FOXP1: variants seen among roughly 807,000 people sequenced by gnomAD.
The protein encoded by FOXP1 is forkhead box protein P1.
Under a neutral mutation model 98.2 loss-of-function variants are expected in FOXP1, and 15 were observed. That is an observed-to-expected ratio of 0.15 (90% CI 0.10 to 0.24). The LOEUF (loss-of-function observed/expected upper bound fraction) is 0.24. FOXP1 is among the 10% of genes least tolerant of loss of function. The probability of loss-of-function intolerance (pLI) is 1.00; values close to 1 mark genes in which losing one functional copy is unlikely to be tolerated. For missense variants in FOXP1, 633 were observed against 848.5 expected (o/e 0.75, Z 3.15); for synonymous variants, 371 against 314.5 (o/e 1.18, Z -1.90).
At chr3:71,323,717 C>T (rs553126863) in intron 4 of FOXP1, among the ~76,000 whole-genome samples, 7 of 152,304 alleles carry the variant, frequency 4.6e-5, no homozygotes, top group South Asian at 2.1e-4. Context: ...ATAGTTTTCA[C>T]GAGTACTTAT....
chr3:71,411,222 G>A (rs991883938), intron 3 of FOXP1, among the ~76,000 whole-genome samples: 2 of 151,936 alleles, frequency 1.3e-5, no homozygotes, highest in African/African-American at 4.8e-5. Context: ...ATCTGCTCCA[G>A]TTCCCCCTCC....
intron 5 of FOXP1, among the ~76,000 whole-genome samples, chr3:71,233,953 T>C (rs1047265888): frequency 3.9e-5 from 6 of 152,180 alleles, no homozygotes; most frequent in African/African-American, 1.4e-4. Context: ...CAATGTTCTC[T>C]GGAATTGCCG....
chr3:71,562,500 C>T (rs1399318579), intron 2 of FOXP1, among the ~76,000 whole-genome samples: 1 of 152,112 alleles, frequency 6.6e-6, no homozygotes, highest in African/African-American at 2.4e-5. Context: ...CTTGACTAGG[C>T]ACAATGAACT....
At chr3:71,023,386 C>T (rs2045690736) in intron 11 of FOXP1, among the ~76,000 whole-genome samples, 2 of 152,212 alleles carry the variant, frequency 1.3e-5, no homozygotes, top group Admixed American at 1.3e-4. Context: ...CCAGCCAAAA[C>T]ATTACATTAA....
At chr3:71,359,071 A>G (rs1006061170) in intron 4 of FOXP1, 79 bp downstream of exon 4, 4 of 152,160 alleles carry the variant, frequency 2.6e-5, no homozygotes, top group Non-Finnish European at 5.9e-5. Flanking sequence ...CAGGATTACT[A>G]TATCGACCAC....
chr3:71,199,133 A>G (rs2063495162), intron 5 of FOXP1, among the ~76,000 whole-genome samples: 1 of 146,102 alleles, frequency 6.8e-6, no homozygotes, highest in South Asian at 2.1e-4. Flanking sequence ...TTTGAGACAG[A>G]GCCTTGCTCT....
chr3:71,328,974 T>TAAAAA lies in FOXP1; in HGVS notation c.-72-29099_-72-29095dup, dbSNP rs869252301. ...CAACAAGAGCGAAACTCCATCTCGC[T>TAAAAA]AAAAAAAAAAAAAAACAAAAAAAAA... On this transcript the variant is annotated intron_variant, in intron 4 of 20. Transcript: ENST00000649528. Among the ~76,000 whole-genome samples, 21 of 31,178 alleles carry TAAAAA rather than the reference T, an allele frequency of 6.7e-4. 1 individual carries two copies. Among genetic ancestry groups the TAAAAA allele is most frequent in the African/African-American group, 1.6e-3 (18 of 11,076 alleles). 20.5% of individuals were successfully genotyped at this position (31,178 alleles called of 152,430 possible).
At chr3:71,057,291 CTTTTTTTTTTTTTTTTTTT>C (rs10670020) in intron 7 of FOXP1, among the ~76,000 whole-genome samples, 26 of 7,490 alleles carry the variant, frequency 3.5e-3, no homozygotes, top group East Asian at 8.9e-3. Flanking sequence ...AAAAACGAAA[CTTTTTTTTTTTTTTTTTTT>C]TTTTTTTTTT....
intron 4 of FOXP1, among the ~76,000 whole-genome samples, chr3:71,303,602 A>T (rs1284344627): frequency 6.6e-6 from 1 of 152,214 alleles, no homozygotes; most frequent in Non-Finnish European, 1.5e-5. Flanking sequence ...AAGGACATCA[A>T]CATATATTTG....
At chr3:71,383,761 T>C (rs1311477758) in intron 3 of FOXP1, among the ~76,000 whole-genome samples, 5 of 152,034 alleles carry the variant, frequency 3.3e-5, no homozygotes, top group African/African-American at 1.2e-4. Context: ...AAGGAAATGG[T>C]GAGACAGAAA....
intron 5 of FOXP1, among the ~76,000 whole-genome samples, chr3:71,281,039 CAAAAAAAAAAA>C (rs55640213): frequency 7.2e-5 from 6 of 83,564 alleles, no homozygotes; most frequent in African/African-American, 2.3e-4. Flanking sequence ...CCCTTCTCTA[CAAAAAAAAAAA>C]AAAAAAAAAA....
At chr3:71,021,152 T>C (rs1483539275) in intron 11 of FOXP1, among the ~76,000 whole-genome samples, 1 of 152,220 alleles carries the variant, frequency 6.6e-6, no homozygotes. Flanking sequence ...GGAACATTTT[T>C]ATCATCCCTC....
intron 20 of FOXP1, among the ~76,000 whole-genome samples, chr3:70,959,721 G>A (rs2032796457): frequency 6.6e-6 from 1 of 152,100 alleles, no homozygotes; most frequent in African/African-American, 2.4e-5. Context: ...ACTAGTCTCT[G>A]GACTGGTGTG....
intron 6 of FOXP1, among the ~76,000 whole-genome samples, chr3:71,161,170 G>A (rs1410152314): frequency 6.6e-6 from 1 of 152,192 alleles, no homozygotes; most frequent in Non-Finnish European, 1.5e-5. Flanking sequence ...TCCCGCTTCA[G>A]TTCCCTATTC....
intron 7 of FOXP1, among the ~76,000 whole-genome samples, chr3:71,054,937 G>C (rs1175648076): frequency 6.6e-6 from 1 of 151,788 alleles, no homozygotes; most frequent in Admixed American, 6.6e-5. Context: ...ACAATAAAAG[G>C]TAATAACATG....
At chr3:71,193,172 G>C (rs561330975) in intron 6 of FOXP1, among the ~76,000 whole-genome samples, 51 of 147,218 alleles carry the variant, frequency 3.5e-4, no homozygotes, top group Middle Eastern at 3.5e-3. Flanking sequence ...TTTTGAGACG[G>C]AGTCTTGCTC....
At chr3:71,098,322 C>G (rs972863683) in intron 7 of FOXP1, among the ~76,000 whole-genome samples, 1 of 152,088 alleles carries the variant, frequency 6.6e-6, no homozygotes, top group Non-Finnish European at 1.5e-5. Context: ...TCTATACTTA[C>G]GAATTAAAGT....
At chr3:71,378,696 TTAAA>T (rs1481925893) in intron 3 of FOXP1, among the ~76,000 whole-genome samples, 1 of 151,596 alleles carries the variant, frequency 6.6e-6, no homozygotes, top group Non-Finnish European at 1.5e-5. Flanking sequence ...TTTAAATAAA[TTAAA>T]TATATATAAT....
intron 6 of FOXP1, among the ~76,000 whole-genome samples, chr3:71,135,889 G>A (rs988903026): frequency 1.3e-5 from 2 of 152,064 alleles, no homozygotes; most frequent in Non-Finnish European, 2.9e-5. Flanking sequence ...GAGTTGCATC[G>A]ACTATGCCTT....
Sources: allele counts gnomAD v4.1 joint callset (sites outside exome capture counted in the v4.1 genomes callset), GRCh38; gene constraint gnomAD v4.1.1; transcripts MANE v1.5; gene names NCBI Gene and HGNC (gene_info 2026-07-23, HGNC 2026-07-21).